The following THSD7A variants were observed in gnomAD, a reference collection of about 807,000 sequenced individuals.
The protein encoded by THSD7A is thrombospondin type-1 domain-containing protein 7A.
Under a neutral mutation model 231.3 loss-of-function variants are expected in THSD7A, and 96 were observed. The observed-to-expected ratio is 0.41, with a 90% CI of 0.35 to 0.49. The LOEUF is 0.49. THSD7A is among the 20% of genes least tolerant of loss of function. The probability of loss-of-function intolerance (pLI) is 0.05; values close to 1 mark genes in which losing one functional copy is unlikely to be tolerated. For missense variants in THSD7A, 2,290 were observed against 2,070.2 expected (o/e 1.11, Z -2.06); for synonymous variants, 940 against 743.3 (o/e 1.26, Z -4.30).
intron 6 of THSD7A, among the ~76,000 whole-genome samples, chr7:11,484,683 A>T (rs62438201): frequency 0.07 from 10,701 of 152,032 alleles, 485 homozygotes; most frequent in Admixed American, 0.099. Flanking sequence ...ATAAATACAT[A>T]AATTTTAAGT....
At chr7:11,761,830 G>T (rs1254335636) in intron 1 of THSD7A, among the ~76,000 whole-genome samples, 2 of 151,790 alleles carry the variant, frequency 1.3e-5, no homozygotes, top group African/African-American at 4.8e-5. Context: ...CTGGGGTTTG[G>T]GCTCCTAGAG....
chr7:11,518,668 C>G (rs10254542), intron 6 of THSD7A, among the ~76,000 whole-genome samples: 1 of 151,876 alleles, frequency 6.6e-6, no homozygotes, highest in African/African-American at 2.4e-5. Flanking sequence ...GAAATTGTAT[C>G]ACCCAAAAAG....
At chr7:11,473,812 C>G (rs564626400) in intron 8 of THSD7A, among the ~76,000 whole-genome samples, 11 of 152,226 alleles carry the variant, frequency 7.2e-5, no homozygotes, top group Admixed American at 3.9e-4. Flanking sequence ...TCCCAAGGCT[C>G]TCTCTTGGAA....
At chr7:11,830,216 C>G (rs1325008926) in intron 1 of THSD7A, among the ~76,000 whole-genome samples, 1 of 152,180 alleles carries the variant, frequency 6.6e-6, no homozygotes, top group Admixed American at 6.5e-5. Flanking sequence ...ACCTCAGATG[C>G]TGTACAGTGA....
intron 4 of THSD7A, among the ~76,000 whole-genome samples, chr7:11,567,595 G>C (rs1790414922): frequency 6.6e-6 from 1 of 152,164 alleles, no homozygotes; most frequent in Non-Finnish European, 1.5e-5. Context: ...ATCACCTGGA[G>C]AGGGTTTAAA....
At chr7:11,520,211 A>T (rs894894203) in intron 6 of THSD7A, 1 of 152,198 alleles carries the variant, frequency 6.6e-6, no homozygotes, top group African/African-American at 2.4e-5. Flanking sequence ...AGTCAAATAG[A>T]GGTGAGTTTT....
intron 1 of THSD7A, chr7:11,821,121 C>T: frequency 9.5e-7 from 1 of 1,055,264 alleles, no homozygotes; most frequent in Non-Finnish European, 1.5e-6. Flanking sequence ...CTGCCTCTTG[C>T]TCAGTTCCTC....
At chr7:11,689,340 A>G (rs1194377707) in intron 1 of THSD7A, among the ~76,000 whole-genome samples, 1 of 151,822 alleles carries the variant, frequency 6.6e-6, no homozygotes, top group Non-Finnish European at 1.5e-5. Flanking sequence ...CTCTAATTTG[A>G]TTGAAATAGA....
rs573962695 is a variant in THSD7A at position 11,745,415 on chromosome 7, C to T, written c.190+86342G>A. Among the ~76,000 whole-genome samples, 23 of 151,994 alleles carry T rather than the reference C, an allele frequency of 1.5e-4. 1 individual carries two copies. The highest frequency in any genetic ancestry group is 1.5e-3 in the Admixed American group (23 of 15,234). On this transcript the variant is annotated intron_variant, in intron 1 of 27. Coordinates refer to ENST00000423059, the MANE Select transcript of THSD7A (RefSeq NM_015204.3). ...AGGTTGCTTGTTCACTCTGATGATA[C>T]TTTCTTTTGCTGTGCAGAAGCTCTT...
chr7:11,829,057 G>A (rs1211356996), intron 1 of THSD7A, among the ~76,000 whole-genome samples: 3 of 151,764 alleles, frequency 2.0e-5, no homozygotes, highest in African/African-American at 7.3e-5. Context: ...CTTGTCTCTA[G>A]CTTACTTTAT....
chr7:11,593,243 T>C lies in THSD7A; in HGVS notation c.1271+11A>G, dbSNP rs769114450. 1 of 1,613,476 alleles carries C rather than the reference T, an allele frequency of 6.2e-7. No individual in the cohort carries two copies. Among genetic ancestry groups the C allele is most frequent in the Non-Finnish European group, 8.5e-7 (1 of 1,179,796 alleles). On this transcript the variant is annotated intron_variant, in intron 3 of 27. Coordinates refer to ENST00000423059, the MANE Select transcript of THSD7A (RefSeq NM_015204.3). ...TTTCGGCAGACGCTATACCCTTCTT[T>C]ATTTACTCACGTGGCACAGGGGACA...
intron 6 of THSD7A, among the ~76,000 whole-genome samples, chr7:11,488,363 T>C (rs1365350304): frequency 6.6e-6 from 1 of 152,108 alleles, no homozygotes; most frequent in African/African-American, 2.4e-5. Flanking sequence ...TGGACCTTTC[T>C]AGAAAACATT....
At chr7:11,819,842 G>T (rs1016319908) in intron 1 of THSD7A, among the ~76,000 whole-genome samples, 3 of 152,044 alleles carry the variant, frequency 2.0e-5, no homozygotes, top group African/African-American at 4.8e-5. Flanking sequence ...TAGTAATATT[G>T]GTTCATCAAT....
chr7:11,722,203 G>A (rs80240268), intron 1 of THSD7A, among the ~76,000 whole-genome samples: 2 of 151,736 alleles, frequency 1.3e-5, no homozygotes. Context: ...GAATGAAAAC[G>A]GTCCCTCTCT....
At chr7:11,721,472 A>G (rs1331123804) in intron 1 of THSD7A, among the ~76,000 whole-genome samples, 3 of 151,764 alleles carry the variant, frequency 2.0e-5, no homozygotes, top group Non-Finnish European at 4.4e-5. Flanking sequence ...CCATGACTGT[A>G]AGTTTCCTGA....
chr7:11,830,048 A>G (rs1785149352), intron 1 of THSD7A, among the ~76,000 whole-genome samples: 1 of 152,220 alleles, frequency 6.6e-6, no homozygotes, highest in Admixed American at 6.5e-5. Flanking sequence ...CTAAGGGTCA[A>G]AATTTAAGTG....
intron 1 of THSD7A, among the ~76,000 whole-genome samples, chr7:11,815,253 T>C (rs17165246): frequency 0.035 from 5,370 of 151,780 alleles, 160 homozygotes; most frequent in East Asian, 0.17. Context: ...CTTTATGAGA[T>C]TTTTTTGTTT....
At chr7:11,738,262 G>A (rs937332639) in intron 1 of THSD7A, among the ~76,000 whole-genome samples, 3 of 151,986 alleles carry the variant, frequency 2.0e-5, no homozygotes, top group African/African-American at 7.2e-5. Context: ...GCTCCAGTCA[G>A]TATTTCCTTT....
intron 4 of THSD7A, among the ~76,000 whole-genome samples, chr7:11,583,153 T>G (rs1396747911): frequency 6.6e-6 from 1 of 152,166 alleles, no homozygotes; most frequent in Non-Finnish European, 1.5e-5. Context: ...AGTGAATGTG[T>G]TTTTCAGTTC....
Sources: gnomAD v4.1 joint callset for allele counts (sites outside exome capture counted in the v4.1 genomes callset) on GRCh38, gnomAD v4.1.1 for gene constraint, MANE v1.5 for transcripts, NCBI Gene and HGNC (gene_info 2026-07-23, HGNC 2026-07-21) for gene names.